The following FAM72D variants were observed in gnomAD, a reference collection of about 807,000 sequenced individuals.
The protein encoded by FAM72D is RUMY family member 4, also known as protein FAM72D.
For synonymous variants in FAM72D, 4 were observed against 35.1 expected, an observed-to-expected ratio of 0.11 and a Z score of 3.13; for missense variants, 9 against 104.7, an observed-to-expected ratio of 0.09 and a Z score of 3.99.
chr1:145,094,850 GGAGGA>G, upstream of FAM72D: 1 of 974,258 alleles, frequency 1.0e-6, no homozygotes, highest in Non-Finnish European at 1.5e-6. Flanking sequence ...GGGAGACACT[GGAGGA>G]GGCCGGCCGA....
rs1655077785 is a variant in FAM72D, at chr1:145,112,161, GC to G, written c.*565del. On this transcript the variant is annotated 3_prime_UTR_variant, in exon 4 of 4. Transcript: ENST00000400889. ...AATATATAGAGGAATCCTCTTGATTGCTCAGCATGATGTTAGATAAATGAGT... is the reference window on the plus strand; with the variant it reads ...AATATATAGAGGAATCCTCTTGATTGTCAGCATGATGTTAGATAAATGAGT... 2.6e-5 allele frequency: 3 copies of G among 116,148 alleles called. No homozygotes were observed. The highest frequency in any genetic ancestry group is 1.0e-4 in the African/African-American group (3 of 29,538). The allele number at this position is 116,148 out of a possible 1,614,324, so 7.2% of individuals were successfully genotyped here. A position where few individuals can be genotyped will look rare whatever the true frequency, so the allele number is the denominator to read the frequency against.
chr1:145,097,122 A>T, intron 1 of FAM72D, 123 bp downstream of exon 1: 5 of 1,503,784 alleles, frequency 3.3e-6, no homozygotes, highest in Non-Finnish European at 4.5e-6. Context: ...CACCAGTTTG[A>T]TGATCCCCTT....
At chr1:145,101,950 C>T (rs1246111967) in intron 2 of FAM72D, among the ~76,000 whole-genome samples, 3 of 106,614 alleles carry the variant, frequency 2.8e-5, no homozygotes, top group Non-Finnish European at 5.5e-5. Context: ...TAAGACTAAG[C>T]TTGAATAAGA....
chr1:145,098,466 AT>A (rs1189482851), intron 1 of FAM72D, among the ~76,000 whole-genome samples: 2 of 145,976 alleles, frequency 1.4e-5, no homozygotes, highest in South Asian at 2.2e-4. Flanking sequence ...ACACATAAAA[AT>A]TTTTTTAATG....
rs1238906301 is a variant in FAM72D at position 145,105,518 on chromosome 1, A to G, written c.355+2387A>G. Reference sequence around the variant, plus strand: ...GTAGAACTCTGCCTCTACTAAAAATAAAAAATTAGCTGGGCGTGGTGGTAC... The same window carrying G: ...GTAGAACTCTGCCTCTACTAAAAATGAAAAATTAGCTGGGCGTGGTGGTAC... On this transcript the variant is annotated intron_variant, in intron 3 of 3. Coordinates refer to ENST00000400889, the MANE Select transcript of FAM72D (RefSeq NM_207418.3). Among the ~76,000 whole-genome samples, 3 of 125,890 alleles carry G rather than the reference A, an allele frequency of 2.4e-5. No homozygotes were observed. The Admixed American group carries it at 2.4e-4, about 10-fold the overall frequency. 82.6% of individuals were successfully genotyped at this position (125,890 alleles called of 152,430 possible). A position where few individuals can be genotyped will look rare whatever the true frequency, so the allele number is the denominator to read the frequency against.
chr1:145,107,233 T>G (rs1283962250), intron 3 of FAM72D, among the ~76,000 whole-genome samples: 1 of 149,002 alleles, frequency 6.7e-6, no homozygotes, highest in East Asian at 2.0e-4. Flanking sequence ...GCTGAGGCAC[T>G]GAAATACTAA....
intron 3 of FAM72D, among the ~76,000 whole-genome samples, chr1:145,106,571 TAGGG>T (rs1553638441): frequency 1.4e-5 from 2 of 143,574 alleles, no homozygotes; most frequent in Non-Finnish European, 3.0e-5. Context: ...TCTTAGGAAA[TAGGG>T]AGGCCCCAGG....
intron 3 of FAM72D, among the ~76,000 whole-genome samples, chr1:145,106,832 AC>A (rs1450141633): frequency 7.4e-6 from 1 of 134,334 alleles, no homozygotes; most frequent in African/African-American, 3.2e-5. Context: ...TGTTAGACTT[AC>A]TCAATGCAGG....
chr1:145,097,237 A>C (rs1654509201), intron 1 of FAM72D, among the ~76,000 whole-genome samples: 1 of 136,544 alleles, frequency 7.3e-6, no homozygotes, highest in Non-Finnish European at 1.5e-5. Context: ...ATGCGACCAC[A>C]CATCTCTTAA....
At chr1:145,101,047 T>A (rs1412733956) in intron 2 of FAM72D, among the ~76,000 whole-genome samples, 1 of 150,444 alleles carries the variant, frequency 6.6e-6, no homozygotes, top group African/African-American at 2.5e-5. Context: ...GTTCAAGTGA[T>A]TCTCTCACCT....
intron 2 of FAM72D, among the ~76,000 whole-genome samples, chr1:145,101,438 G>A (rs1382690688): frequency 1.9e-5 from 2 of 102,996 alleles, no homozygotes; most frequent in African/African-American, 9.8e-5. Flanking sequence ...CTCAATTCAG[G>A]CCAGCCCCAC....
intron 2 of FAM72D, among the ~76,000 whole-genome samples, chr1:145,102,790 A>AATG (rs1654775044): frequency 7.4e-6 from 1 of 135,734 alleles, no homozygotes; most frequent in South Asian, 2.3e-4. Context: ...TAATAATAAT[A>AATG]GCAAAGAAAT....
Position 145,112,350 on chromosome 1 carries a change from A to C in FAM72D, c.*753A>C, listed in dbSNP as rs1306563206. On this transcript the variant is annotated 3_prime_UTR_variant, in exon 4 of 4. Coordinates refer to ENST00000400889, the MANE Select transcript of FAM72D (RefSeq NM_207418.3). ...AATTTTAGACGAGTGGTCTGTCCTA[A>C]ATCTTAAATAGAAAAAAAAACTAAA... 6.6e-6 allele frequency: 1 copy of C among 151,574 alleles called. No homozygotes were observed. Among genetic ancestry groups the C allele is most frequent in the Admixed American group, 6.6e-5 (1 of 15,220 alleles). The allele number at this position is 151,574 out of a possible 1,614,324, so 9.4% of individuals were successfully genotyped here.
intron 2 of FAM72D, among the ~76,000 whole-genome samples, chr1:145,100,466 C>T (rs1654646555): frequency 1.4e-5 from 2 of 141,462 alleles, no homozygotes; most frequent in African/African-American, 5.3e-5. Context: ...AAGTCACTGG[C>T]CTTTGGACAT....
At chr1:145,102,742 G>A (rs570798) in intron 2 of FAM72D, among the ~76,000 whole-genome samples, 11,163 of 100,286 alleles carry the variant, frequency 0.11, 13 homozygotes, top group South Asian at 0.14. Flanking sequence ...AGCAAAACTC[G>A]GTCTCAATAA....
chr1:145,100,937 C>T (rs1259361758), intron 2 of FAM72D, among the ~76,000 whole-genome samples: 3 of 145,094 alleles, frequency 2.1e-5, no homozygotes, highest in Admixed American at 6.9e-5. Context: ...ACCTGGGCAA[C>T]GACATTTTTT....
At chr1:145,104,138 G>A (rs1400938414) in intron 3 of FAM72D, among the ~76,000 whole-genome samples, 3 of 148,710 alleles carry the variant, frequency 2.0e-5, no homozygotes, top group Admixed American at 6.6e-5. Flanking sequence ...GCAACAATAT[G>A]AGACCCTGTC....
rs1291034218 is a variant in FAM72D at position 145,105,598 on chromosome 1, G to A, written c.355+2467G>A. Among the ~76,000 whole-genome samples, 100 of 148,226 alleles carry A rather than the reference G, an allele frequency of 6.7e-4. 1 individual carries two copies. Among genetic ancestry groups the A allele is most frequent in the South Asian group, 4.3e-3 (20 of 4,652 alleles). ...AAGAATCACTTGAACCCAGGAGGTG[G>A]AGTTTGAAGTGAGCCGAGATCGCAC... On this transcript the variant is annotated intron_variant, in intron 3 of 3. Coordinates refer to ENST00000400889, the MANE Select transcript of FAM72D (RefSeq NM_207418.3).
intron 1 of FAM72D, among the ~76,000 whole-genome samples, chr1:145,097,200 T>C (rs1558884270): frequency 7.0e-6 from 1 of 143,344 alleles, no homozygotes; most frequent in Non-Finnish European, 1.5e-5. Context: ...TCAGTCCTGA[T>C]GTAATGCTTC....
Sources: gnomAD v4.1 joint callset for allele counts (sites outside exome capture counted in the v4.1 genomes callset) on GRCh38, gnomAD v4.1.1 for gene constraint, MANE v1.5 for transcripts, NCBI Gene and HGNC (gene_info 2026-07-23, HGNC 2026-07-21) for gene names.